The following CPXM2 variants were observed in gnomAD, a reference collection of about 807,000 sequenced individuals.
The protein encoded by CPXM2 is carboxypeptidase X, M14 family member 2.
CPXM2 carries 66 observed loss-of-function variants against 86.1 expected under a neutral mutation model. That is an observed-to-expected ratio of 0.77 (90% CI 0.63 to 0.94). The LOEUF is 0.94. Among genes scored for constraint, CPXM2 ranks in the 40% least tolerant of loss-of-function variants. CPXM2 has a pLI of 0.00. For synonymous variants in CPXM2, 388 were observed against 400.2 expected, an observed-to-expected ratio of 0.97 and a Z score of 0.36; for missense variants, 948 against 1,026.3, an observed-to-expected ratio of 0.92 and a Z score of 1.04.
At chr10:123,879,944 A>G (rs543741485) in intron 2 of CPXM2, among the ~76,000 whole-genome samples, 211 of 152,340 alleles carry the variant, frequency 1.4e-3, no homozygotes, top group African/African-American at 4.9e-3. Flanking sequence ...GAAAGCAACC[A>G]AGAGCTCCAG....
intron 2 of CPXM2, chr10:123,931,726 A>G (rs1945667908): frequency 6.6e-6 from 1 of 152,260 alleles, no homozygotes; most frequent in Admixed American, 6.5e-5. Flanking sequence ...GAATAGATGC[A>G]GTAATTATTA....
chr10:123,924,007 A>G (rs1945601550), intron 2 of CPXM2, among the ~76,000 whole-genome samples: 1 of 152,214 alleles, frequency 6.6e-6, no homozygotes, highest in African/African-American at 2.4e-5. Flanking sequence ...TAGCTATTAT[A>G]TAGGTCAAAA....
intron 4 of CPXM2, among the ~76,000 whole-genome samples, chr10:123,817,838 C>T (rs1414568386): frequency 3.9e-5 from 6 of 152,166 alleles, no homozygotes; most frequent in South Asian, 2.1e-4. Context: ...AGCTACAGCA[C>T]GACAGCACCT....
intron 6 of CPXM2, among the ~76,000 whole-genome samples, chr10:123,792,498 C>T (rs539592454): frequency 1.3e-5 from 2 of 152,286 alleles, no homozygotes; most frequent in East Asian, 3.9e-4. Context: ...ACATTCCGCC[C>T]ACCACCCTAA....
At chr10:123,752,911 C>T (rs796654674) in intron 13 of CPXM2, among the ~76,000 whole-genome samples, 2 of 152,158 alleles carry the variant, frequency 1.3e-5, no homozygotes, top group African/African-American at 2.4e-5. Flanking sequence ...CTCATGGGGG[C>T]GAAGAGACAG....
intron 4 of CPXM2, among the ~76,000 whole-genome samples, chr10:123,825,258 A>T (rs1486940875): frequency 6.6e-6 from 1 of 152,198 alleles, no homozygotes; most frequent in Non-Finnish European, 1.5e-5. Context: ...GGAAGGGGGC[A>T]GGGTGAAATG....
intron 5 of CPXM2, 123 bp downstream of exon 5, chr10:123,798,992 G>A: frequency 9.5e-7 from 1 of 1,057,638 alleles, no homozygotes; most frequent in Non-Finnish European, 1.4e-6. Flanking sequence ...TCAGACTGTA[G>A]TGGTAGGTTT....
intron 2 of CPXM2, among the ~76,000 whole-genome samples, chr10:123,916,913 G>C (rs1945537853): frequency 6.6e-6 from 1 of 152,048 alleles, no homozygotes; most frequent in African/African-American, 2.4e-5. Context: ...GAGTAGCTAA[G>C]ACTACAGGCA....
chr10:123,812,954 TAACG>T (rs1847726836), intron 4 of CPXM2, among the ~76,000 whole-genome samples: 1 of 152,218 alleles, frequency 6.6e-6, no homozygotes, highest in Admixed American at 6.5e-5. Flanking sequence ...GGTTTTATTG[TAACG>T]CTTAATACCT....
intron 2 of CPXM2, among the ~76,000 whole-genome samples, chr10:123,864,247 C>T (rs946570834): frequency 3.3e-5 from 5 of 152,048 alleles, no homozygotes; most frequent in African/African-American, 1.2e-4. Context: ...CGAGAGACCC[C>T]ACCCACTGAG....
rs762881077 is a variant in CPXM2 at position 123,767,063 on chromosome 10, G to T, written c.1389C>A (p.Leu463=). 1 of 1,614,156 alleles carries T rather than the reference G, an allele frequency of 6.2e-7. No homozygotes were observed. The highest frequency in any genetic ancestry group is 8.5e-7 in the Non-Finnish European group (1 of 1,180,000). ...CATTCTGTCGATCCTCTGCCTCCCA[G>T]AGCAGCGTGTTTAAATCAGGAAAGT... ...NNNFPDLNTL[L]WEAEDRQNVP... Residue 463 remains leucine, a synonymous_variant, in exon 10 of 14, where the codon CTC becomes CTA. Coordinates refer to ENST00000241305, the MANE Select transcript of CPXM2 (RefSeq NM_198148.3).
intron 4 of CPXM2, among the ~76,000 whole-genome samples, chr10:123,838,413 C>T (rs1160695246): frequency 6.6e-6 from 1 of 152,172 alleles, no homozygotes; most frequent in Admixed American, 6.5e-5. Context: ...GATATCACTC[C>T]TCTGCACTCC....
chr10:123,855,240 C>T (rs1448990250), intron 3 of CPXM2, among the ~76,000 whole-genome samples: 2 of 152,154 alleles, frequency 1.3e-5, no homozygotes, highest in African/African-American at 4.8e-5. Flanking sequence ...AGAACAAACA[C>T]GACATTCCTT....
intron 7 of CPXM2, 104 bp from the exon 8 acceptor site, chr10:123,771,143 C>A: frequency 4.0e-6 from 4 of 1,009,514 alleles, no homozygotes; most frequent in Non-Finnish European, 6.0e-6. Flanking sequence ...CCACAGCCTC[C>A]CAAGCGCCCC....
intron 2 of CPXM2, among the ~76,000 whole-genome samples, chr10:123,918,104 G>A (rs917557288): frequency 2.6e-5 from 4 of 152,110 alleles, no homozygotes; most frequent in Admixed American, 6.6e-5. Context: ...GAAGCCCAGG[G>A]ATCTAAATAT....
chr10:123,837,228 T>C (rs1443989315), intron 4 of CPXM2, among the ~76,000 whole-genome samples: 1 of 152,224 alleles, frequency 6.6e-6, no homozygotes, highest in Non-Finnish European at 1.5e-5. Flanking sequence ...CTCCCCGTCC[T>C]TGTGCTCTCA....
intron 7 of CPXM2, among the ~76,000 whole-genome samples, chr10:123,776,021 G>T (rs1846778640): frequency 6.6e-6 from 1 of 152,182 alleles, no homozygotes; most frequent in Non-Finnish European, 1.5e-5. Context: ...GGGTCTTGAT[G>T]ACTTCAGTCA....
intron 13 of CPXM2, chr10:123,752,042 C>A (rs1846090155): frequency 2.0e-6 from 2 of 985,272 alleles, no homozygotes; most frequent in Non-Finnish European, 2.4e-6. Context: ...ACATTGCATA[C>A]AAAGCACTAA....
intron 3 of CPXM2, among the ~76,000 whole-genome samples, chr10:123,850,123 T>G (rs993312791): frequency 1.3e-5 from 2 of 152,234 alleles, no homozygotes; most frequent in South Asian, 4.1e-4. Context: ...ATTTAGTCCT[T>G]TTAACTGTCA....
Sources: allele counts gnomAD v4.1 joint callset (sites outside exome capture counted in the v4.1 genomes callset), GRCh38; gene constraint gnomAD v4.1.1; transcripts MANE v1.5; gene names NCBI Gene and HGNC (gene_info 2026-07-23, HGNC 2026-07-21).